The following EPCIP variants were observed in gnomAD, a reference collection of about 807,000 sequenced individuals.
EPCIP encodes the protein exosomal polycystin 1 interacting protein, also known as exosomal polycystin-1-interacting protein.
the EPCIP span, among the ~76,000 whole-genome samples, chr21:32,811,911 A>G: frequency 2.4e-4 from 36 of 152,216 alleles, no homozygotes; most frequent in Admixed American, 3.9e-4. Context: ...ATGTGTGTGC[A>G]CATGTTCTCT....
the EPCIP span, chr21:32,813,454 A>G: frequency 2.6e-6 from 1 of 384,440 alleles, no homozygotes; most frequent in South Asian, 2.0e-5. Flanking sequence ...CAGGAAATGC[A>G]AATGCAACAA....
At chr21:32,804,169 T>C in the EPCIP span, among the ~76,000 whole-genome samples, 1 of 152,060 alleles carries the variant, frequency 6.6e-6, no homozygotes, top group Non-Finnish European at 1.5e-5. Flanking sequence ...CTCACTAGTA[T>C]ATAGTTGGAT....
chr21:32,791,734 GAAA>G, the EPCIP span, among the ~76,000 whole-genome samples: 1 of 130,462 alleles, frequency 7.7e-6, no homozygotes, highest in Non-Finnish European at 1.6e-5. Context: ...AAGGTTAAGT[GAAA>G]AAAAAAAAAA....
At chr21:32,796,470 T>C in the EPCIP span, among the ~76,000 whole-genome samples, 3 of 152,290 alleles carry the variant, frequency 2.0e-5, no homozygotes, top group East Asian at 5.8e-4. Context: ...TATGAGAACA[T>C]AGCAGAGAGA....
chr21:32,807,041 A>C, the EPCIP span, among the ~76,000 whole-genome samples: 11 of 152,198 alleles, frequency 7.2e-5, no homozygotes, highest in Admixed American at 5.2e-4. Context: ...CACTACCACA[A>C]GAACGTTATT....
chr21:32,794,571 T>C, the EPCIP span: 2 of 731,682 alleles, frequency 2.7e-6, no homozygotes, highest in Admixed American at 2.9e-5. Flanking sequence ...AAACAAGTTG[T>C]AAACATTTCT....
the EPCIP span, among the ~76,000 whole-genome samples, chr21:32,806,038 G>A: frequency 6.6e-6 from 1 of 152,142 alleles, no homozygotes; most frequent in East Asian, 1.9e-4. Flanking sequence ...GAAGAGCAGA[G>A]GGATGGGACA....
chr21:32,792,079 T>C, the EPCIP span, among the ~76,000 whole-genome samples: 2 of 152,076 alleles, frequency 1.3e-5, no homozygotes, highest in African/African-American at 4.8e-5. Context: ...TTATTTTGTA[T>C]TTTTAGTAGA....
chr21:32,809,643 A>G, the EPCIP span, among the ~76,000 whole-genome samples: 6 of 152,212 alleles, frequency 3.9e-5, no homozygotes, highest in Non-Finnish European at 8.8e-5. Context: ...GATTACAGGC[A>G]TGAGCCACCG....
At chr21:32,811,120 T>C in the EPCIP span, among the ~76,000 whole-genome samples, 2 of 151,984 alleles carry the variant, frequency 1.3e-5, no homozygotes, top group African/African-American at 4.8e-5. Context: ...TACAGGTAGA[T>C]ATTATGGCCC....
chr21:32,808,248 T>C, the EPCIP span, among the ~76,000 whole-genome samples: 1 of 151,774 alleles, frequency 6.6e-6, no homozygotes, highest in Non-Finnish European at 1.5e-5. Flanking sequence ...GAGTGTGAAG[T>C]TGCCAAGGAA....
At chr21:32,805,866 A>G in the EPCIP span, among the ~76,000 whole-genome samples, 6 of 152,124 alleles carry the variant, frequency 3.9e-5, no homozygotes, top group East Asian at 1.9e-4. Flanking sequence ...ACCGAGCTCA[A>G]TGCTCCCATA....
At chr21:32,793,935 G>A in the EPCIP span, 1 of 1,614,176 alleles carries the variant, frequency 6.2e-7, no homozygotes, top group Non-Finnish European at 8.5e-7. Context: ...TACATACATG[G>A]CTGCCAGCCT....
chr21:32,812,403 T>C, the EPCIP span, among the ~76,000 whole-genome samples: 78 of 152,268 alleles, frequency 5.1e-4, no homozygotes, highest in Admixed American at 1.0e-3. Flanking sequence ...CACAAGCCAC[T>C]GGGCACTGAA....
At chr21:32,793,569 G>A in the EPCIP span, 2 of 662,170 alleles carry the variant, frequency 3.0e-6, no homozygotes, top group East Asian at 2.5e-5. Context: ...TTTTTCAAAA[G>A]TGTTCTCGCA....
the EPCIP span, among the ~76,000 whole-genome samples, chr21:32,802,277 CTG>C: frequency 6.6e-6 from 1 of 152,176 alleles, no homozygotes; most frequent in East Asian, 1.9e-4. Flanking sequence ...AATACACAAA[CTG>C]TAGCATTTTT....
chr21:32,811,440 A>G, the EPCIP span, among the ~76,000 whole-genome samples: 2 of 152,084 alleles, frequency 1.3e-5, no homozygotes, highest in Admixed American at 6.6e-5. Context: ...TCCCATTTTC[A>G]TATCAGGAAA....
the EPCIP span, chr21:32,794,399 C>T: frequency 4.3e-6 from 7 of 1,613,470 alleles, no homozygotes; most frequent in African/African-American, 1.3e-5. Context: ...CAGAAGAAGA[C>T]AGTGCCTGGA....
At chr21:32,809,296 C>CTTTA in the EPCIP span, among the ~76,000 whole-genome samples, 196 of 121,462 alleles carry the variant, frequency 1.6e-3, 1 homozygote, top group Non-Finnish European at 2.6e-3. Flanking sequence ...TTCTTTCTTT[C>CTTTA]TTTCTTTCTT....
Sources: gnomAD v4.1 joint callset for allele counts (sites outside exome capture counted in the v4.1 genomes callset) on GRCh38, gnomAD v4.1.1 for gene constraint, MANE v1.5 for transcripts, NCBI Gene and HGNC (gene_info 2026-07-23, HGNC 2026-07-21) for gene names.